Variants in SCN10A observed in about 807,000 individuals in gnomAD.
The protein encoded by SCN10A is sodium channel protein type 10 subunit alpha.
A neutral mutation model predicts 170.7 loss-of-function variants in SCN10A; 162 were observed. That is an observed-to-expected ratio of 0.95 (90% CI 0.84 to 1.08). The LOEUF (loss-of-function observed/expected upper bound fraction) is 1.08, where lower values mean the gene tolerates loss of function less well. SCN10A is among the 50% of genes least tolerant of loss of function. The probability of loss-of-function intolerance (pLI) is 0.00; values close to 1 mark genes in which losing one functional copy is unlikely to be tolerated. For synonymous variants in SCN10A, 985 were observed against 904.6 expected (o/e 1.09, Z -1.59); for missense variants, 2,527 against 2,436.9 (o/e 1.04, Z -0.78).
At chr3:38,752,887 T>G (rs1049206625) in intron 11 of SCN10A, among the ~76,000 whole-genome samples, 7 of 152,234 alleles carry the variant, frequency 4.6e-5, no homozygotes, top group Non-Finnish European at 1.0e-4. Flanking sequence ...ACATGCAAAG[T>G]TGTGACCTAA....
intron 1 of SCN10A, among the ~76,000 whole-genome samples, chr3:38,804,018 T>C (rs192282528): frequency 6.6e-6 from 1 of 152,238 alleles, no homozygotes; most frequent in Non-Finnish European, 1.5e-5. Flanking sequence ...TCTTAACTTA[T>C]CTCACTGCTA....
intron 3 of SCN10A, among the ~76,000 whole-genome samples, chr3:38,790,866 T>A (rs1349344174): frequency 6.6e-6 from 1 of 152,190 alleles, no homozygotes; most frequent in Non-Finnish European, 1.5e-5. Context: ...AGAGACTGTA[T>A]TGTCATTAAA....
At chr3:38,735,496 CA>C (rs1447781863) in intron 15 of SCN10A, among the ~76,000 whole-genome samples, 4 of 152,174 alleles carry the variant, frequency 2.6e-5, no homozygotes, top group Non-Finnish European at 5.9e-5. Context: ...TAAGTCTTCC[CA>C]AATTGACCTA....
chr3:38,776,338 CTATTTT>C (rs2064074224), intron 4 of SCN10A, among the ~76,000 whole-genome samples: 1 of 152,032 alleles, frequency 6.6e-6, no homozygotes, highest in Non-Finnish European at 1.5e-5. Flanking sequence ...ATTTATATTT[CTATTTT>C]TATCATTATT....
intron 3 of SCN10A, among the ~76,000 whole-genome samples, chr3:38,791,314 T>C (rs755645351): frequency 5.9e-5 from 9 of 152,184 alleles, no homozygotes; most frequent in Non-Finnish European, 1.2e-4. Context: ...CCAAAGTATC[T>C]TTTTTCTACT....
intron 15 of SCN10A, among the ~76,000 whole-genome samples, chr3:38,732,275 T>C (rs2063519963): frequency 6.6e-6 from 1 of 152,216 alleles, no homozygotes; most frequent in East Asian, 1.9e-4. Flanking sequence ...GAGACAGAAG[T>C]AATATACATG....
chr3:38,784,417 G>A (rs1001473702), intron 4 of SCN10A, among the ~76,000 whole-genome samples: 1 of 152,052 alleles, frequency 6.6e-6, no homozygotes, highest in African/African-American at 2.4e-5. Flanking sequence ...AAAGGTCTTC[G>A]ACAAAATTCA....
chr3:38,752,254 T>C lies in SCN10A; in HGVS notation c.1720A>G (p.Thr574Ala). Residue 574 changes from threonine to alanine, a missense_variant, in exon 12 of 28, where the codon ACT (threonine) becomes GCT (alanine). Coordinates refer to ENST00000449082, the MANE Select transcript of SCN10A (RefSeq NM_006514.4). ...ACAGCTCCAGGGGCAAGCTCACTAG[T>C]GGGCGGCGGTTGGTGTTCATCTTCT... ...HGEDEHQPPPTSELAPGAVDV... is the reference protein window; with the variant it reads ...HGEDEHQPPPASELAPGAVDV... The C allele has an allele frequency of 6.4e-7, 1 of 1,557,808 alleles. No homozygotes were observed. Among genetic ancestry groups the C allele is most frequent in the Non-Finnish European group, 8.7e-7 (1 of 1,150,918 alleles).
At chr3:38,732,444 G>A (rs1241530835) in intron 15 of SCN10A, among the ~76,000 whole-genome samples, 1 of 152,180 alleles carries the variant, frequency 6.6e-6, no homozygotes, top group Non-Finnish European at 1.5e-5. Flanking sequence ...TTCCCAACAA[G>A]CACTGAATGT....
In SCN10A at chr3:38,760,703, A is replaced by C. The variant is rs745457404; in HGVS notation, c.928T>G (p.Cys310Gly). 1.9e-6 allele frequency: 3 copies of C among 1,614,136 alleles called. No individual in the cohort carries two copies. The highest frequency in any genetic ancestry group is 2.5e-6 in the Non-Finnish European group (3 of 1,179,936). ...NKRGTSDPLL[C>G]GNGSDSGHCP... ...CACCCTGAGTCAGATCCATTGCCAC[A>C]CAGTAAGGGGTCAGAAGTGCCTCGC... is the stretch of plus-strand genomic sequence containing the variant. Residue 310 changes from cysteine to glycine, a missense_variant, in exon 8 of 28, where the codon TGT (cysteine) becomes GGT (glycine). By Grantham distance (159) the Cys-to-Gly change is radical. Transcript: ENST00000449082.
At chr3:38,765,959 AT>A (rs1210939441) in intron 5 of SCN10A, among the ~76,000 whole-genome samples, 2 of 145,170 alleles carry the variant, frequency 1.4e-5, no homozygotes, top group East Asian at 2.2e-4. Flanking sequence ...TATTCCTAAG[AT>A]TTTTTTGTTT....
At chr3:38,804,062 T>C (rs1412984524) in intron 1 of SCN10A, among the ~76,000 whole-genome samples, 1 of 152,168 alleles carries the variant, frequency 6.6e-6, no homozygotes, top group African/African-American at 2.4e-5. Flanking sequence ...CTATAGTTTC[T>C]GTAGCAATCA....
intron 4 of SCN10A, among the ~76,000 whole-genome samples, chr3:38,778,924 G>A (rs1241781404): frequency 1.3e-5 from 2 of 151,978 alleles, no homozygotes; most frequent in Non-Finnish European, 2.9e-5. Context: ...TTTTCATAGT[G>A]TGCATATAAA....
At chr3:38,788,102 CT>C (rs776912238) in intron 4 of SCN10A, among the ~76,000 whole-genome samples, 8 of 150,420 alleles carry the variant, frequency 5.3e-5, no homozygotes, top group Non-Finnish European at 1.2e-4. Flanking sequence ...GGAAATTAAA[CT>C]TTATCAAATG....
intron 10 of SCN10A, 96 bp from the exon 11 acceptor site, chr3:38,756,054 G>A (rs1421377391): frequency 1.5e-6 from 2 of 1,348,768 alleles, no homozygotes; most frequent in Middle Eastern, 2.1e-4. Context: ...TGAGAGATCT[G>A]AAACAGAGAA....
chr3:38,760,680 C>T lies in SCN10A; in HGVS notation c.950+1G>A. ...TGCTTTGTCATAAGTTGGGAACTCA[C>T]CCTGAGTCAGATCCATTGCCACACA... On this transcript the variant is annotated splice_donor_variant, in intron 8 of 27. Coordinates refer to ENST00000449082, the MANE Select transcript of SCN10A (RefSeq NM_006514.4). LOFTEE classifies it high-confidence loss of function. The T allele has an allele frequency of 6.2e-7, 1 of 1,613,194 alleles. No homozygotes were observed. The highest frequency in any genetic ancestry group is 8.5e-7 in the Non-Finnish European group (1 of 1,179,130).
At chr3:38,727,328 C>T (rs577362467) in intron 16 of SCN10A, among the ~76,000 whole-genome samples, 30 of 152,306 alleles carry the variant, frequency 2.0e-4, no homozygotes, top group African/African-American at 6.7e-4. Context: ...CATTTAGGGA[C>T]AACAGAGAGA....
intron 5 of SCN10A, 76 bp from the exon 6 acceptor site, chr3:38,763,672 C>T: frequency 2.8e-6 from 3 of 1,071,710 alleles, no homozygotes; most frequent in Non-Finnish European, 4.3e-6. Flanking sequence ...TAAGGATAAC[C>T]TGGGGTATCA....
intron 4 of SCN10A, among the ~76,000 whole-genome samples, chr3:38,786,668 T>C (rs993020492): frequency 1.3e-5 from 2 of 152,134 alleles, no homozygotes; most frequent in Non-Finnish European, 2.9e-5. Flanking sequence ...ACAAAGCAAG[T>C]GAGGTGTTGA....
Sources: allele counts gnomAD v4.1 joint callset (sites outside exome capture counted in the v4.1 genomes callset), GRCh38; gene constraint gnomAD v4.1.1; transcripts MANE v1.5; gene names NCBI Gene and HGNC (gene_info 2026-07-23, HGNC 2026-07-21).